Variants in COL12A1 observed in about 807,000 individuals in gnomAD.
COL12A1 encodes collagen type XII alpha 1 chain.
Under a neutral mutation model 349.7 loss-of-function variants are expected in COL12A1, and 114 were observed. That is an observed-to-expected ratio of 0.33 (90% CI 0.28 to 0.38). The LOEUF (loss-of-function observed/expected upper bound fraction) is 0.38. Among genes scored for constraint, COL12A1 ranks in the 10% least tolerant of loss-of-function variants. The pLI is 1.00. For synonymous variants in COL12A1, 1,369 were observed against 1,329.0 expected (o/e 1.03, Z -0.66); for missense variants, 3,284 against 3,756.9 (o/e 0.87, Z 3.29).
rs773106046 is a variant in COL12A1, at chr6:75,177,791, G to T, written c.2309C>A (p.Thr770Asn). ...VAGGESREVT[T>N]PPNQRRRTLE... ...TGTTCTCCTCCTCTGATTGGGTGGG[G>T]TGGTAACTTCTCTGCTCTCTCCACC... is the stretch of plus-strand genomic sequence containing the variant. The change falls in exon 12 of 66, where the codon ACC becomes AAC. Residue 770 changes from threonine to asparagine, a missense_variant. By Grantham distance (65) the Thr-to-Asn change is moderately conservative. Around this residue, in one of 2 missense-constraint regions of COL12A1, gnomAD observed 2,601 missense variants for 2,824.8 expected, o/e 0.92. Transcript: ENST00000322507. 1 of 1,613,982 alleles carries T rather than the reference G, an allele frequency of 6.2e-7. No homozygotes were observed. The highest frequency in any genetic ancestry group is 8.5e-7 in the Non-Finnish European group (1 of 1,180,028).
Position 75,133,884 on chromosome 6 carries a change from G to A in COL12A1, c.5638C>T (p.Pro1880Ser). 6.2e-7 allele frequency: 1 copy of A among 1,613,992 alleles called. No homozygotes were observed. Among genetic ancestry groups the A allele is most frequent in the Non-Finnish European group, 8.5e-7 (1 of 1,179,966 alleles). Residue 1880 changes from proline to serine, a missense_variant, in exon 33 of 66, where the codon CCA (proline) becomes TCA (serine). By Grantham distance (74) the Pro-to-Ser change is moderately conservative. This residue lies in a region of COL12A1 where 2,601 missense variants were observed against 2,824.8 expected (regional missense o/e 0.92). Coordinates refer to ENST00000322507, the MANE Select transcript of COL12A1 (RefSeq NM_004370.6). Reference protein sequence around the residue: ...NPRQYKLFYAPAAGGPEELVP... With the variant: ...NPRQYKLFYASAAGGPEELVP... ...AGTTCCTCTGGACCACCTGCTGCTG[G>A]TGCATAGAAGAGCTTGTACTGACGA...
chr6:75,100,128 G>T (rs1346637772), intron 58 of COL12A1, among the ~76,000 whole-genome samples: 1 of 152,112 alleles, frequency 6.6e-6, no homozygotes, highest in African/African-American at 2.4e-5. Flanking sequence ...CTCATCCCAG[G>T]GTGGCCTCAC....
chr6:75,154,636 G>C (rs540778603), intron 16 of COL12A1, 99 bp from the exon 17 acceptor site: 1 of 1,260,846 alleles, frequency 7.9e-7, no homozygotes, highest in Non-Finnish European at 1.1e-6. Flanking sequence ...TGATTTACAA[G>C]CTTACACTAT....
chr6:75,094,081 T>G (rs7738114), intron 60 of COL12A1, among the ~76,000 whole-genome samples: 1,746 of 152,312 alleles, frequency 0.011, 27 homozygotes, highest in African/African-American at 0.039. Flanking sequence ...AATTATGGTT[T>G]TTGTCATTCT....
At chr6:75,186,831 G>A (rs1403406127) in intron 8 of COL12A1, among the ~76,000 whole-genome samples, 6 of 152,086 alleles carry the variant, frequency 3.9e-5, no homozygotes, top group Non-Finnish European at 2.9e-5. Flanking sequence ...CAATGATAGA[G>A]CTAGAGGCCA....
intron 13 of COL12A1, among the ~76,000 whole-genome samples, chr6:75,174,088 G>T (rs1768782895): frequency 6.6e-6 from 1 of 152,174 alleles, no homozygotes; most frequent in East Asian, 1.9e-4. Flanking sequence ...TTAAACCTAA[G>T]CTGTGATTAT....
At chr6:75,193,994 G>A (rs571546371) in intron 3 of COL12A1, among the ~76,000 whole-genome samples, 54 of 152,168 alleles carry the variant, frequency 3.5e-4, no homozygotes, top group African/African-American at 1.3e-3. Context: ...CATTTGGGTT[G>A]GTTCCAAGTC....
rs761691915 is a variant in COL12A1, at chr6:75,119,038, C to T, written c.7354+5G>A. 1.9e-6 allele frequency: 3 copies of T among 1,613,880 alleles called. No homozygotes were observed. The South Asian group carries it at 3.3e-5, about 18-fold the overall frequency. ...AAGTGCAATCAAATTCATGTATGTG[C>T]TTGCCTGACTGCTGGATGACCAAAG... is the stretch of plus-strand genomic sequence containing the variant. On this transcript the variant is annotated splice_donor_5th_base_variant and intron_variant, in intron 46 of 65. Coordinates refer to ENST00000322507, the MANE Select transcript of COL12A1 (RefSeq NM_004370.6).
rs539562135 is a variant in COL12A1 at position 75,175,156 on chromosome 6, A to C, written c.2592T>G (p.Asp864Glu). The C allele has an allele frequency of 1.2e-6, 2 of 1,614,132 alleles. No individual in the cohort carries two copies. The highest frequency in any genetic ancestry group is 1.7e-6 in the Non-Finnish European group (2 of 1,180,022). ...ATCCCTGCAGCACCGTATTGGTTGT[A>C]TCTCCCCTCACAGTGACCTCTTGAG... ...GETQEVTVRG[D>E]TTNTVLQGLK... Residue 864 changes from aspartate (D) to glutamate (E), a missense_variant, in exon 13 of 66, where the codon GAT becomes GAG. By Grantham distance (45) the Asp-to-Glu change is conservative (BLOSUM62 2). Transcript: ENST00000322507.
At chr6:75,103,605 C>T (rs939329468) in intron 55 of COL12A1, 152 bp downstream of exon 55, 2 of 609,344 alleles carry the variant, frequency 3.3e-6, no homozygotes, top group African/African-American at 1.9e-5. Flanking sequence ...ATCATTATGA[C>T]ATCCAGAGAT....
chr6:75,093,603 G>A (rs116024788), intron 60 of COL12A1, among the ~76,000 whole-genome samples: 1,573 of 152,266 alleles, frequency 0.01, 24 homozygotes, highest in African/African-American at 0.035. Context: ...TATAATTATC[G>A]TAAGAAAAAC....
intron 43 of COL12A1, 62 bp downstream of exon 43, chr6:75,123,268 C>T (rs909325645): frequency 1.5e-5 from 20 of 1,323,158 alleles, no homozygotes; most frequent in East Asian, 1.2e-4. Context: ...GCACATGCAG[C>T]GTAAATAAGA....
rs1766921812 is a variant in COL12A1 at position 75,142,114 on chromosome 6, G to A, written c.4875C>T (p.Phe1625=). 6.2e-7 allele frequency: 1 copy of A among 1,614,170 alleles called. No homozygotes were observed. The highest frequency in any genetic ancestry group is 8.5e-7 in the Non-Finnish European group (1 of 1,180,002). The change falls in exon 27 of 66, where the codon TTC becomes TTT. Residue 1625 remains phenylalanine (F), a synonymous_variant. Transcript: ENST00000322507. ...SETSTSLKDL[F]SQTLYTVSVS... ...CGCTGACTGTGTACAAGGTCTGTGA[G>A]AAGAGGTCTTTGAGGGAAGTGCTGG...
intron 11 of COL12A1, 76 bp from the exon 12 acceptor site, chr6:75,178,011 T>C (rs922143366): frequency 2.7e-5 from 37 of 1,351,084 alleles, no homozygotes; most frequent in Non-Finnish European, 3.6e-5. Flanking sequence ...AAATTACCTT[T>C]TTATTACTAA....
Position 75,113,224 on chromosome 6 carries a change from A to G in COL12A1, c.7930T>C (p.Phe2644Leu), listed in dbSNP as rs575538052. 4 of 1,552,376 alleles carry G rather than the reference A, an allele frequency of 2.6e-6. No individual in the cohort carries two copies. In the East Asian group the frequency reaches 9.5e-5, roughly 37 times the overall value. ...TFDTEEVKTL[F>L]YGSFHKVHIV... is the part of the protein sequence containing the mutation. ...TTTACCTTGTGAAAACTTCCATAAAATAATGTCTTTACTTCTTCTGTGTCA... is the reference window on the plus strand; with the variant it reads ...TTTACCTTGTGAAAACTTCCATAAAGTAATGTCTTTACTTCTTCTGTGTCA... Residue 2644 changes from phenylalanine to leucine, a missense_variant, in exon 51 of 66, where the codon TTT (phenylalanine) becomes CTT (leucine). This residue lies in a region of COL12A1 where 683 missense variants were observed against 932.1 expected (regional missense o/e 0.73). Coordinates refer to ENST00000322507, the MANE Select transcript of COL12A1 (RefSeq NM_004370.6).
At chr6:75,122,314 G>T (rs1034075504) in intron 43 of COL12A1, among the ~76,000 whole-genome samples, 3 of 152,002 alleles carry the variant, frequency 2.0e-5, no homozygotes. Flanking sequence ...GAACCCTAAC[G>T]CAAACTGTGG....
rs2149457038 is a variant in COL12A1, at chr6:75,177,884, A to C, written c.2216T>G (p.Phe739Cys). The C allele has an allele frequency of 6.2e-7, 1 of 1,613,450 alleles. No individual in the cohort carries two copies. The highest frequency in any genetic ancestry group is 8.5e-7 in the Non-Finnish European group (1 of 1,180,012). ...TGGAGCTTGAGTCCAAGTAATTTTG[A>C]AACTATCTGTAGTCTCATCTGTCAC... ...LKVTDETTDS[F>C]KITWTQAPGR... The change falls in exon 12 of 66, where the codon TTC becomes TGC. Residue 739 changes from phenylalanine to cysteine, a missense_variant. Phe to Cys is a radical substitution (Grantham distance 205, BLOSUM62 -2). Transcript: ENST00000322507.
intron 14 of COL12A1, among the ~76,000 whole-genome samples, chr6:75,157,119 G>C (rs1228363296): frequency 2.0e-5 from 3 of 152,116 alleles, no homozygotes; most frequent in Non-Finnish European, 2.9e-5. Context: ...TCTGTAAATA[G>C]TGTTTGCTTA....
intron 1 of COL12A1, among the ~76,000 whole-genome samples, chr6:75,203,233 GGTAACT>G (rs1770619815): frequency 1.3e-5 from 2 of 152,182 alleles, no homozygotes. Flanking sequence ...GAACTCTTTA[GGTAACT>G]GTACTTTAGT....
Sources: allele counts gnomAD v4.1 joint callset (sites outside exome capture counted in the v4.1 genomes callset), GRCh38; gene constraint gnomAD v4.1.1; regional missense constraint gnomAD v4.1.1; transcripts MANE v1.5; gene names NCBI Gene and HGNC (gene_info 2026-07-23, HGNC 2026-07-21).